Variants in ABCG1 observed in about 807,000 individuals in gnomAD.
The protein encoded by ABCG1 is ATP-binding cassette sub-family G member 1.
In ABCG1, 29 loss-of-function variants were observed where a neutral mutation model predicts 69.2. The observed-to-expected ratio is 0.42, with a 90% CI of 0.31 to 0.57. The LOEUF (loss-of-function observed/expected upper bound fraction) is 0.57. Ranked by LOEUF, ABCG1 falls within the 20% of genes least tolerant of loss-of-function variation. The probability of loss-of-function intolerance (pLI) is 0.15; values close to 1 mark genes in which losing one functional copy is unlikely to be tolerated. For synonymous variants in ABCG1, 370 were observed against 374.8 expected, an observed-to-expected ratio of 0.99 and a Z score of 0.15; for missense variants, 718 against 898.1, an observed-to-expected ratio of 0.80 and a Z score of 2.56.
At chr21:42,243,490 G>A (rs1233201808) in intron 2 of ABCG1, among the ~76,000 whole-genome samples, 1 of 116,340 alleles carries the variant, frequency 8.6e-6, no homozygotes. Flanking sequence ...GTGTGTGTGT[G>A]CGCTGGTTTA....
At chr21:42,208,387 C>G (rs2067560267) in intron 2 of ABCG1, among the ~76,000 whole-genome samples, 2 of 152,158 alleles carry the variant, frequency 1.3e-5, no homozygotes, top group African/African-American at 4.8e-5. Context: ...CTTTTCCTAT[C>G]TTCTAGAGTC....
chr21:42,219,875 G>A lies in ABCG1; in HGVS notation c.42+571G>A, dbSNP rs1441275270. On this transcript the variant is annotated intron_variant, in intron 1 of 14. Coordinates refer to ENST00000398449, the MANE Select transcript of ABCG1 (RefSeq NM_016818.3). This position sits in a 1 kb window ranked among gnomAD's most constrained non-coding sequence, Gnocchi z 5.3. Reference sequence around the variant, plus strand: ...TCTCCCGGACCCACTCGGGGAGGCGGCGGCGAAGGCCCGGGGAGACCCGCG... The same window carrying A: ...TCTCCCGGACCCACTCGGGGAGGCGACGGCGAAGGCCCGGGGAGACCCGCG... 4 of 1,538,716 alleles carry A rather than the reference G, an allele frequency of 2.6e-6. No individual in the cohort carries two copies. The highest frequency in any genetic ancestry group is 3.5e-6 in the Non-Finnish European group (4 of 1,143,250).
Position 42,288,422 on chromosome 21 carries a change from A to G in ABCG1, c.1224+110A>G. The G allele has an allele frequency of 1.2e-6, 1 of 821,452 alleles. No homozygotes were observed. The highest frequency in any genetic ancestry group is 2.3e-5 in the Admixed American group (1 of 43,758). The allele number at this position is 821,452 out of a possible 1,614,324, so 50.9% of individuals were successfully genotyped here. On this transcript the variant is annotated intron_variant, in intron 10 of 14. Coordinates refer to ENST00000398449, the MANE Select transcript of ABCG1 (RefSeq NM_016818.3). This position sits in a 1 kb window ranked among gnomAD's most constrained non-coding sequence, Gnocchi z 4.8. Reference sequence around the variant, plus strand: ...TTCTCACATTGCTATAAAGAAATTCATGAGGCCAGGCATGGTGACTCATGT... The same window carrying G: ...TTCTCACATTGCTATAAAGAAATTCGTGAGGCCAGGCATGGTGACTCATGT...
chr21:42,214,009 A>G (rs2067614410), upstream of ABCG1, among the ~76,000 whole-genome samples: 1 of 152,180 alleles, frequency 6.6e-6, no homozygotes, highest in South Asian at 2.1e-4. Context: ...ACAATTTAAG[A>G]CTTTGGGCCC....
At chr21:42,261,405 A>C (rs985837198) in intron 2 of ABCG1, among the ~76,000 whole-genome samples, 1 of 152,196 alleles carries the variant, frequency 6.6e-6, no homozygotes, top group Non-Finnish European at 1.5e-5. Context: ...TACTGTCTGC[A>C]TGGCATCTTC....
chr21:42,285,934 G>A lies in ABCG1; in HGVS notation c.913G>A (p.Val305Met), dbSNP rs1486778499. The A allele has an allele frequency of 6.2e-7, 1 of 1,614,056 alleles. No homozygotes were observed. The highest frequency in any genetic ancestry group is 8.5e-7 in the Non-Finnish European group (1 of 1,180,002). ...GTACCGGGGAAAAGTCTGCAATCTT[G>A]TGCCATATTTGAGGGATTTGGGTCT... is the stretch of plus-strand genomic sequence containing the variant. Reference protein sequence around the residue: ...CVYRGKVCNLVPYLRDLGLNC... With the variant: ...CVYRGKVCNLMPYLRDLGLNC... The change falls in exon 8 of 15, where the codon GTG becomes ATG. Residue 305 changes from valine to methionine, a missense_variant. Val to Met is a conservative substitution (Grantham distance 21). Transcript: ENST00000398449.
rs776872348 is a variant in ABCG1, at chr21:42,290,037, GGTCT to G, written c.1225-9_1225-6del. 36 of 1,614,066 alleles carry G rather than the reference GGTCT, an allele frequency of 2.2e-5. No individual in the cohort carries two copies. The highest frequency in any genetic ancestry group is 3.0e-5 in the Non-Finnish European group (35 of 1,180,042). On this transcript the variant is annotated splice_polypyrimidine_tract_variant and intron_variant, in intron 10 of 14. Transcript: ENST00000398449. ...TTGCGAACGCACTGGGTAAGATGCG[GGTCT>G]GTCCCCAGGTCCTGACACACCTGCG...
chr21:42,277,245 T>C (rs879662244), intron 5 of ABCG1, among the ~76,000 whole-genome samples: 9 of 152,140 alleles, frequency 5.9e-5, no homozygotes, highest in Non-Finnish European at 1.2e-4. Context: ...AGCTTCAGGG[T>C]TAGACCAAGA....
chr21:42,291,519 T>C lies in ABCG1; in HGVS notation c.1516T>C (p.Cys506Arg). ...CCAGATCATGTTCCCAGTGGCCTAC[T>C]GCAGCATCGTGTACTGGATGACGTC... ...PFQIMFPVAY[C>R]SIVYWMTSQP... Residue 506 changes from cysteine (C) to arginine (R), a missense_variant, in exon 13 of 15, where the codon TGC (cysteine) becomes CGC (arginine). Coordinates refer to ENST00000398449, the MANE Select transcript of ABCG1 (RefSeq NM_016818.3). The surrounding 1 kb of genome is among the most constrained non-coding windows in gnomAD (Gnocchi z 6.4). 2 of 1,612,658 alleles carry C rather than the reference T, an allele frequency of 1.2e-6. No individual in the cohort carries two copies. The highest frequency in any genetic ancestry group is 1.3e-5 in the African/African-American group (1 of 75,034).
chr21:42,266,476 C>T (rs984223134), intron 2 of ABCG1, among the ~76,000 whole-genome samples: 3 of 152,210 alleles, frequency 2.0e-5, no homozygotes, highest in Admixed American at 2.0e-4. Flanking sequence ...TATGCATCAT[C>T]TTAGGGAACA....
At chr21:42,272,893 G>A (rs1353994236) in intron 3 of ABCG1, among the ~76,000 whole-genome samples, 2 of 152,234 alleles carry the variant, frequency 1.3e-5, no homozygotes, top group African/African-American at 4.8e-5. Flanking sequence ...GTTGGGTGTA[G>A]CCTGAGCTAC....
At chr21:42,229,123 C>G (rs1189784492) in intron 2 of ABCG1, among the ~76,000 whole-genome samples, 3 of 152,130 alleles carry the variant, frequency 2.0e-5, no homozygotes, top group African/African-American at 7.2e-5. Flanking sequence ...CAGTCCCCAG[C>G]CATGATTAGG....
chr21:42,284,247 G>C (rs2068891686), intron 6 of ABCG1, among the ~76,000 whole-genome samples: 1 of 149,132 alleles, frequency 6.7e-6, no homozygotes, highest in Non-Finnish European at 1.5e-5. Context: ...GTCCCGCCTG[G>C]ATAGTTGTGA....
At chr21:42,206,944 A>C (rs1428292392) in intron 2 of ABCG1, 3 of 150,428 alleles carry the variant, frequency 2.0e-5, no homozygotes, top group African/African-American at 7.3e-5. Context: ...TATTGTTTTC[A>C]GTGAGAAATA....
intron 2 of ABCG1, among the ~76,000 whole-genome samples, chr21:42,226,962 A>G (rs1258490472): frequency 6.6e-6 from 1 of 152,192 alleles, no homozygotes; most frequent in African/African-American, 2.4e-5. Flanking sequence ...TTAAATTTTC[A>G]GTTGTCTTTC....
intron 2 of ABCG1, chr21:42,256,477 C>T (rs1358686953): frequency 6.5e-7 from 1 of 1,549,928 alleles, no homozygotes; most frequent in African/African-American, 1.4e-5. Context: ...GCTGGGTGTA[C>T]TGGCTACAGA....
chr21:42,261,023 A>G (rs551693097), intron 2 of ABCG1, among the ~76,000 whole-genome samples: 6 of 152,104 alleles, frequency 3.9e-5, no homozygotes, highest in Non-Finnish European at 7.4e-5. Flanking sequence ...GGGTTTCACC[A>G]TGTTAGCCAG....
chr21:42,203,449 T>C (rs950880574), intron 2 of ABCG1, among the ~76,000 whole-genome samples: 2 of 152,202 alleles, frequency 1.3e-5, no homozygotes, highest in African/African-American at 4.8e-5. Context: ...TTGAGTTAAC[T>C]TTTATATAAG....
chr21:42,262,422 G>A (rs2068429343), intron 2 of ABCG1, among the ~76,000 whole-genome samples: 1 of 152,214 alleles, frequency 6.6e-6, no homozygotes, highest in African/African-American at 2.4e-5. Context: ...GCATCTCACT[G>A]CATCAGCGCT....
Sources: allele counts gnomAD v4.1 joint callset (sites outside exome capture counted in the v4.1 genomes callset), GRCh38; gene constraint gnomAD v4.1.1; non-coding constraint Gnocchi (gnomAD v3.1); transcripts MANE v1.5; gene names NCBI Gene and HGNC (gene_info 2026-07-23, HGNC 2026-07-21).